MAP4K4: variants seen among roughly 807,000 people sequenced by gnomAD.
MAP4K4 encodes mitogen-activated protein kinase kinase kinase kinase 4, also known as HPK/GCK-like kinase HGK.
A neutral mutation model predicts 189.6 loss-of-function variants in MAP4K4; 38 were observed. The ratio of observed to expected loss-of-function variants is 0.20; its 90% CI spans 0.15 to 0.26. MAP4K4 has a LOEUF of 0.26. MAP4K4 is among the 10% of genes least tolerant of loss of function. MAP4K4 has a pLI of 1.00. For missense variants in MAP4K4, 1,054 were observed against 1,726.9 expected (o/e 0.61, Z 6.91); for synonymous variants, 610 against 624.3 (o/e 0.98, Z 0.34).
intron 2 of MAP4K4, among the ~76,000 whole-genome samples, chr2:101,773,701 T>G (rs2082554566): frequency 6.6e-6 from 1 of 152,196 alleles, no homozygotes; most frequent in African/African-American, 2.4e-5. Flanking sequence ...TCTTTCTAAC[T>G]ATCTTTTTTG....
At chr2:101,708,863 G>A (rs1470470343) in intron 2 of MAP4K4, among the ~76,000 whole-genome samples, 3 of 152,150 alleles carry the variant, frequency 2.0e-5, no homozygotes, top group Admixed American at 6.5e-5. Context: ...ATCCTACAAC[G>A]TATGGTCGCC....
chr2:101,737,291 C>T (rs2060605208), intron 2 of MAP4K4, among the ~76,000 whole-genome samples: 1 of 151,480 alleles, frequency 6.6e-6, no homozygotes, highest in South Asian at 2.1e-4. Context: ...AGCTGCCACC[C>T]TTATTTTGGT....
In MAP4K4 at chr2:101,820,162, C is replaced by T. The variant is rs79949727; in HGVS notation, c.181-3766C>T. ...GAAAAAAATATAAATGGAACCTAGT[C>T]GAATTATTTTATAATTCTTAATTAT... On this transcript the variant is annotated intron_variant, in intron 3 of 32. Transcript: ENST00000324219. Among the ~76,000 whole-genome samples the T allele has an allele frequency of 1.5e-3, 227 of 152,220 alleles. 9 individuals carry two copies. In the East Asian group the frequency reaches 0.042, roughly 28 times the overall value.
intron 2 of MAP4K4, among the ~76,000 whole-genome samples, chr2:101,762,390 T>C (rs2150194907): frequency 6.6e-6 from 1 of 152,272 alleles, no homozygotes; most frequent in East Asian, 1.9e-4. Flanking sequence ...CTTGTCCCCC[T>C]GGGCAGTGAA....
chr2:101,704,561 A>ATGTTTTT (rs1559013689), intron 2 of MAP4K4, among the ~76,000 whole-genome samples: 1 of 53,846 alleles, frequency 1.9e-5, no homozygotes, highest in African/African-American at 1.2e-4. Flanking sequence ...ATATATATAT[A>ATGTTTTT]TATATATTTT....
At chr2:101,803,765 G>C (rs2094619461) in intron 3 of MAP4K4, among the ~76,000 whole-genome samples, 1 of 152,296 alleles carries the variant, frequency 6.6e-6, no homozygotes, top group African/African-American at 2.4e-5. Context: ...TAGAATAAAA[G>C]CTCTGATTGT....
At chr2:101,812,270 T>G (rs1409037775) in intron 3 of MAP4K4, among the ~76,000 whole-genome samples, 1 of 152,134 alleles carries the variant, frequency 6.6e-6, no homozygotes, top group Non-Finnish European at 1.5e-5. Flanking sequence ...TTTGCATGTG[T>G]TTTGCTTCAT....
At position 101,875,228 on chromosome 2, in the gene MAP4K4, T is replaced by C. The variant is rs139962362; in HGVS notation, c.3241+976T>C. Among the ~76,000 whole-genome samples, 471 of 152,330 alleles carry C rather than the reference T, an allele frequency of 3.1e-3. 3 individuals carry two copies. The highest frequency in any genetic ancestry group is 0.011 in the African/African-American group (438 of 41,574). ...TATGCAGGGAAACCTAAGCATAATA[T>C]TCAAATAAGTTCCACCTTGACAAGG... On this transcript the variant is annotated intron_variant, in intron 26 of 32. Coordinates refer to ENST00000324219, the Ensembl canonical transcript of MAP4K4.
At chr2:101,892,728 T>C (rs1003793475) in exon 33 of MAP4K4, 12 of 363,274 alleles carry the variant, frequency 3.3e-5, no homozygotes, top group African/African-American at 2.3e-4. Context: ...ACTTGCTCTC[T>C]TGTTCTCTGT....
chr2:101,734,687 C>T (rs972726558), intron 2 of MAP4K4, among the ~76,000 whole-genome samples: 2 of 152,180 alleles, frequency 1.3e-5, no homozygotes, highest in African/African-American at 4.8e-5. Flanking sequence ...GGGCTGGTTG[C>T]TTTGTCTCTG....
chr2:101,697,965 C>G (rs1201020378), exon 1 of MAP4K4: 2 of 549,896 alleles, frequency 3.6e-6, no homozygotes, highest in African/African-American at 2.1e-5. Context: ...GAGGAGAGTA[C>G]CGGGCCGGCT....
At chr2:101,865,126 A>G in intron 18 of MAP4K4, 90 bp downstream of exon 18, 1 of 779,508 alleles carries the variant, frequency 1.3e-6, no homozygotes, top group Non-Finnish European at 2.1e-6. Flanking sequence ...TCTTAAACAC[A>G]GACGTTCTGG....
intron 2 of MAP4K4, among the ~76,000 whole-genome samples, chr2:101,706,264 A>G (rs73943737): frequency 0.014 from 2,102 of 152,302 alleles, 33 homozygotes; most frequent in African/African-American, 0.046. Context: ...GTCCTCTAGC[A>G]GTAGTTGTAG....
chr2:101,749,928 A>G (rs998849722), intron 2 of MAP4K4, among the ~76,000 whole-genome samples: 2 of 115,088 alleles, frequency 1.7e-5, no homozygotes, highest in South Asian at 2.6e-4. Context: ...ATCACTGGCC[A>G]TCAGAGAAAT....
intron 2 of MAP4K4, among the ~76,000 whole-genome samples, chr2:101,711,772 A>G (rs926574381): frequency 6.6e-6 from 1 of 152,186 alleles, no homozygotes; most frequent in Non-Finnish European, 1.5e-5. Flanking sequence ...GTCAGTCATC[A>G]ACTCCAAGAT....
At chr2:101,839,488 C>A (rs1441899263) in intron 9 of MAP4K4, among the ~76,000 whole-genome samples, 1 of 152,116 alleles carries the variant, frequency 6.6e-6, no homozygotes, top group Non-Finnish European at 1.5e-5. Flanking sequence ...CTCCCTTTAC[C>A]CCCTTGCTGC....
chr2:101,790,898 C>T, intron 3 of MAP4K4, 122 bp downstream of exon 3: 4 of 844,358 alleles, frequency 4.7e-6, no homozygotes, highest in Non-Finnish European at 7.7e-6. Flanking sequence ...CCTCCTGTGA[C>T]ATTGTGGGTT....
chr2:101,702,244 T>G (rs2039252192), intron 2 of MAP4K4, among the ~76,000 whole-genome samples: 1 of 152,198 alleles, frequency 6.6e-6, no homozygotes, highest in South Asian at 2.1e-4. Context: ...TGTGAGCATG[T>G]GATGGCTGGT....
intron 2 of MAP4K4, among the ~76,000 whole-genome samples, chr2:101,765,187 T>TA (rs541698496): frequency 3.8e-4 from 54 of 142,144 alleles, no homozygotes; most frequent in East Asian, 3.5e-3. Flanking sequence ...AGAAACAAGC[T>TA]AAAAAAAAAA....
Sources: gnomAD v4.1 joint callset for allele counts (sites outside exome capture counted in the v4.1 genomes callset) on GRCh38, gnomAD v4.1.1 for gene constraint, MANE v1.5 for transcripts, NCBI Gene and HGNC (gene_info 2026-07-23, HGNC 2026-07-21) for gene names.